The following KCTD8 variants were observed in gnomAD, a reference collection of about 807,000 sequenced individuals.
KCTD8 encodes the protein potassium channel tetramerization domain containing 8.
KCTD8 carries 27 observed loss-of-function variants against 31.5 expected under a neutral mutation model. The ratio of observed to expected loss-of-function variants is 0.86; its 90% CI spans 0.63 to 1.18. The LOEUF (loss-of-function observed/expected upper bound fraction) is 1.18. KCTD8 is among the 50% of genes most tolerant of loss of function. The pLI is 0.00. For synonymous variants in KCTD8, 290 were observed against 280.0 expected, an observed-to-expected ratio of 1.04 and a Z score of -0.36; for missense variants, 658 against 647.7, an observed-to-expected ratio of 1.02 and a Z score of -0.17.
intron 1 of KCTD8, among the ~76,000 whole-genome samples, chr4:44,274,452 A>G (rs1291197378): frequency 1.3e-5 from 2 of 151,884 alleles, no homozygotes. Flanking sequence ...CAGTTTTTCC[A>G]TGAACTGATA....
At chr4:44,194,710 T>G (rs1201268760) in intron 1 of KCTD8, among the ~76,000 whole-genome samples, 1 of 151,694 alleles carries the variant, frequency 6.6e-6, no homozygotes, top group Non-Finnish European at 1.5e-5. Flanking sequence ...AATAATTATG[T>G]GCTACTTGAA....
intron 1 of KCTD8, among the ~76,000 whole-genome samples, chr4:44,219,118 C>A (rs1173757759): frequency 6.6e-6 from 1 of 152,188 alleles, no homozygotes; most frequent in African/African-American, 2.4e-5. Context: ...GGGTATTATA[C>A]ATTTCAATAT....
intron 1 of KCTD8, among the ~76,000 whole-genome samples, chr4:44,432,944 CT>C (rs1171952892): frequency 6.6e-6 from 1 of 151,630 alleles, no homozygotes; most frequent in African/African-American, 2.4e-5. Context: ...CCACTCTTCT[CT>C]TCTGTTACTT....
Position 44,246,905 on chromosome 4 carries a change from C to A in KCTD8, c.962-71655G>T, listed in dbSNP as rs539404048. Among the ~76,000 whole-genome samples, 5 of 152,066 alleles carry A rather than the reference C, an allele frequency of 3.3e-5. No individual in the cohort carries two copies. In the East Asian group the frequency reaches 9.7e-4, roughly 29 times the overall value. On this transcript the variant is annotated intron_variant, in intron 1 of 1. Transcript: ENST00000360029. Reference sequence around the variant, plus strand: ...TCTCTTCTTTGCTATTCCATTCTGCCCATAACTGGATCTTCTTGCTCTGCC... The same window carrying A: ...TCTCTTCTTTGCTATTCCATTCTGCACATAACTGGATCTTCTTGCTCTGCC...
chr4:44,275,802 G>A (rs1332032999), intron 1 of KCTD8, among the ~76,000 whole-genome samples: 1 of 152,004 alleles, frequency 6.6e-6, no homozygotes, highest in African/African-American at 2.4e-5. Flanking sequence ...CCAGCCTAGG[G>A]AGAATGCTCT....
intron 1 of KCTD8, among the ~76,000 whole-genome samples, chr4:44,407,887 C>G (rs558720115): frequency 6.6e-6 from 1 of 152,074 alleles, no homozygotes; most frequent in Admixed American, 6.6e-5. Flanking sequence ...TGCAAACAAC[C>G]TACATCTCTT....
intron 1 of KCTD8, among the ~76,000 whole-genome samples, chr4:44,263,911 A>C (rs964087279): frequency 6.6e-6 from 1 of 152,170 alleles, no homozygotes; most frequent in Non-Finnish European, 1.5e-5. Flanking sequence ...CATAAATTAA[A>C]ATTTATTTTC....
intron 1 of KCTD8, among the ~76,000 whole-genome samples, chr4:44,427,634 G>T (rs1029636938): frequency 6.6e-6 from 1 of 151,396 alleles, no homozygotes; most frequent in Middle Eastern, 3.2e-3. Flanking sequence ...TAAGAAACCT[G>T]CAAAGACTTA....
intron 1 of KCTD8, among the ~76,000 whole-genome samples, chr4:44,364,372 A>C (rs1719576946): frequency 6.7e-6 from 1 of 150,110 alleles, no homozygotes; most frequent in Non-Finnish European, 1.5e-5. Context: ...TTGCAAATTA[A>C]AACAATGAGT....
chr4:44,327,440 G>A (rs552212035), intron 1 of KCTD8, among the ~76,000 whole-genome samples: 1 of 151,810 alleles, frequency 6.6e-6, no homozygotes, highest in South Asian at 2.1e-4. Flanking sequence ...TTTCTAACAT[G>A]ATGTATGGAA....
intron 1 of KCTD8, among the ~76,000 whole-genome samples, chr4:44,273,685 T>A (rs1309521573): frequency 6.6e-6 from 1 of 151,964 alleles, no homozygotes; most frequent in Admixed American, 6.6e-5. Flanking sequence ...TAGAGAAATA[T>A]GTATTTCACA....
At chr4:44,310,492 C>A (rs891728609) in intron 1 of KCTD8, among the ~76,000 whole-genome samples, 6 of 152,034 alleles carry the variant, frequency 3.9e-5, no homozygotes, top group African/African-American at 7.2e-5. Context: ...CCTGATATGG[C>A]CTAAACCACT....
intron 1 of KCTD8, among the ~76,000 whole-genome samples, chr4:44,443,128 G>C (rs191499777): frequency 2.4e-4 from 36 of 152,292 alleles, no homozygotes; most frequent in Admixed American, 7.2e-4. Context: ...GTTTTAAAAA[G>C]TTATCCTCTG....
intron 1 of KCTD8, among the ~76,000 whole-genome samples, chr4:44,401,130 G>T (rs1720643222): frequency 6.9e-6 from 1 of 145,844 alleles, no homozygotes; most frequent in Non-Finnish European, 1.5e-5. Flanking sequence ...CAGGATTACA[G>T]GCATGAATCA....
chr4:44,221,388 A>G (rs1300536378), intron 1 of KCTD8, among the ~76,000 whole-genome samples: 1 of 151,778 alleles, frequency 6.6e-6, no homozygotes, highest in Non-Finnish European at 1.5e-5. Context: ...CATCCAGTGG[A>G]CATACAAGTT....
At chr4:44,411,781 C>T (rs994378234) in intron 1 of KCTD8, among the ~76,000 whole-genome samples, 6 of 151,944 alleles carry the variant, frequency 3.9e-5, no homozygotes, top group Non-Finnish European at 8.8e-5. Flanking sequence ...AGGCAGGGAT[C>T]GGAGTGCTGC....
intron 1 of KCTD8, among the ~76,000 whole-genome samples, chr4:44,384,529 G>T (rs1560441609): frequency 6.6e-6 from 1 of 151,862 alleles, no homozygotes; most frequent in Non-Finnish European, 1.5e-5. Context: ...ATCAGGCACA[G>T]AAAGATAAAT....
Position 44,447,546 on chromosome 4 carries a change from C to T in KCTD8, c.961+17G>A, listed in dbSNP as rs1264824282. On this transcript the variant is annotated intron_variant, in intron 1 of 1. Transcript: ENST00000360029. The stretch of plus-strand genomic sequence containing the variant: ...GGGGGCGAGGGGTGCTGGGAAACGC[C>T]GGGGCTGCGAACTTACGGAAGAAAA... 1 of 1,528,674 alleles carries T rather than the reference C, an allele frequency of 6.5e-7. No individual in the cohort carries two copies. Among genetic ancestry groups the T allele is most frequent in the Admixed American group, 1.9e-5 (1 of 53,274 alleles). 94.7% of individuals were successfully genotyped at this position (1,528,674 alleles called of 1,614,324 possible).
At chr4:44,447,381 G>A (rs1721968424) in intron 1 of KCTD8, among the ~76,000 whole-genome samples, 182 bp downstream of exon 1, 1 of 152,200 alleles carries the variant, frequency 6.6e-6, no homozygotes, top group Admixed American at 6.5e-5. Flanking sequence ...GGAAATATCC[G>A]AATCGGTGAA....
Sources: gnomAD v4.1 joint callset for allele counts (sites outside exome capture counted in the v4.1 genomes callset) on GRCh38, gnomAD v4.1.1 for gene constraint, MANE v1.5 for transcripts, NCBI Gene and HGNC (gene_info 2026-07-23, HGNC 2026-07-21) for gene names.